CHRNA2: variants seen among roughly 807,000 people sequenced by gnomAD.
The protein encoded by CHRNA2 is neuronal acetylcholine receptor subunit alpha-2.
Under a neutral mutation model 45.5 loss-of-function variants are expected in CHRNA2, and 40 were observed. The ratio of observed to expected loss-of-function variants is 0.88; its 90% confidence interval spans 0.68 to 1.15. CHRNA2 has a LOEUF of 1.15. Ranked by LOEUF, CHRNA2 falls within the 50% of genes most tolerant of loss-of-function variation. The pLI is 0.00. For missense variants in CHRNA2, 655 were observed against 701.7 expected (o/e 0.93, Z 0.75); for synonymous variants, 301 against 296.7 (o/e 1.01, Z -0.15).
rs1384590779 is a variant in CHRNA2 at position 27,460,558 on chromosome 8, A to G, written c.*1071T>C. On this transcript the variant is annotated 3_prime_UTR_variant, in exon 7 of 7. Transcript: ENST00000407991. ...GGGTGGGAAAAATAACAGGCAGAGT[A>G]CCTGCCTTTGAGAAGTTCAGAATCA... 6.6e-6 allele frequency: 1 copy of G among 152,232 alleles called. No individual in the cohort carries two copies. 9.4% of individuals were successfully genotyped at this position (152,232 alleles called of 1,614,324 possible). A position where few individuals can be genotyped will look rare whatever the true frequency, so the allele number is the denominator to read the frequency against.
In CHRNA2 at chr8:27,463,222, G is replaced by T; in HGVS notation, c.1221C>A (p.Asn407Lys). Residue 407 changes from asparagine to lysine, a missense_variant, in exon 6 of 7, where the codon AAC (asparagine) becomes AAA (lysine). By Grantham distance (94) the Asn-to-Lys change is moderately conservative (BLOSUM62 0). Transcript: ENST00000407991. The surrounding 1 kb of genome is among the most constrained non-coding windows in gnomAD (Gnocchi z 6.1). ...LSPSYHWLES[N>K]VDAEEREVVV... is the part of the protein sequence containing the mutation. ...CCACCTCCCTCTCCTCGGCATCCAC[G>T]TTGCTCTCCAGCCAGTGATAAGAGG... 5.0e-6 allele frequency: 8 copies of T among 1,590,540 alleles called. No individual in the cohort carries two copies. The highest frequency in any genetic ancestry group is 6.9e-6 in the Non-Finnish European group (8 of 1,165,292).
Position 27,471,050 on chromosome 8 carries a change from G to A in CHRNA2, c.9C>T (p.Pro3=). 6.2e-7 allele frequency: 1 copy of A among 1,614,102 alleles called. No homozygotes were observed. Among genetic ancestry groups the A allele is most frequent in the Non-Finnish European group, 8.5e-7 (1 of 1,179,972 alleles). ...TGAAGGACAGGAACACAGGACAGGA[G>A]GGGCCCATGGCTTCTCCTGAGCATC... MG[P]SCPVFLSFTK... The change falls in exon 2 of 7, where the codon CCC becomes CCT. Residue 3 remains proline (P), a synonymous_variant. Transcript: ENST00000407991.
intron 3 of CHRNA2, 129 bp downstream of exon 3, chr8:27,469,632 C>T: frequency 8.2e-7 from 1 of 1,219,778 alleles, no homozygotes; most frequent in African/African-American, 1.5e-5. Context: ...TGGGAAGAGC[C>T]ATCCCCAACC....
At chr8:27,462,920 G>T in intron 6 of CHRNA2, 59 bp downstream of exon 6, 1 of 1,607,346 alleles carries the variant, frequency 6.2e-7, no homozygotes, top group South Asian at 1.1e-5. Context: ...GCGGTAAGGT[G>T]GTTCCCCGCT....
Position 27,461,593 on chromosome 8 carries a change from G to C in CHRNA2, c.*36C>G. On this transcript the variant is annotated 3_prime_UTR_variant, in exon 7 of 7. Coordinates refer to ENST00000407991, the MANE Select transcript of CHRNA2 (RefSeq NM_000742.4). The stretch of plus-strand genomic sequence containing the variant: ...CAGAGACGGTCAAAAGATGGTCAGC[G>C]GGGGTGCCCTGGGAGCCAGCTCGAG... 1 of 1,613,532 alleles carries C rather than the reference G, an allele frequency of 6.2e-7. No homozygotes were observed. Among genetic ancestry groups the C allele is most frequent in the African/African-American group, 1.3e-5 (1 of 75,060 alleles).
At chr8:27,469,552 G>A in intron 3 of CHRNA2, 173 bp from the exon 4 acceptor site, 1 of 873,078 alleles carries the variant, frequency 1.1e-6, no homozygotes, top group East Asian at 2.6e-5. Context: ...GGTCACACAG[G>A]CACTGCTGCC....
In CHRNA2 at chr8:27,469,924, G is replaced by A. The variant is rs778838030; in HGVS notation, c.131C>T (p.Pro44Leu). 2.5e-6 allele frequency: 4 copies of A among 1,614,164 alleles called. No homozygotes were observed. In the South Asian group the frequency reaches 4.4e-5, roughly 18 times the overall value. Reference protein sequence around the residue: ...PRAPGDPLSSPSPTALPQGGS... With the variant: ...PRAPGDPLSSLSPTALPQGGS... ...TCCCTGCGGCAATGCCGTGGGACTG[G>A]GAGAGGAGAGTGGGTCTCCAGGAGC... The change falls in exon 3 of 7, where the codon CCC (proline) becomes CTC (leucine). Residue 44 changes from proline to leucine, a missense_variant. By Grantham distance (98) the Pro-to-Leu change is moderately conservative. Around this residue, in one of 3 missense-constraint regions of CHRNA2, gnomAD observed 323 missense variants for 354.4 expected, o/e 0.91. Coordinates refer to ENST00000407991, the MANE Select transcript of CHRNA2 (RefSeq NM_000742.4).
At chr8:27,471,475 A>C (rs1013445413) in intron 1 of CHRNA2, among the ~76,000 whole-genome samples, 5 of 152,230 alleles carry the variant, frequency 3.3e-5, no homozygotes, top group African/African-American at 1.2e-4. Flanking sequence ...CTCAGTGGTC[A>C]TCTATAAAAT....
chr8:27,467,757 T>G (rs1037505329), intron 4 of CHRNA2, among the ~76,000 whole-genome samples: 4 of 152,034 alleles, frequency 2.6e-5, no homozygotes, highest in African/African-American at 9.7e-5. Context: ...GCAGAGCAGG[T>G]GAAAGTATCT....
intron 1 of CHRNA2, chr8:27,475,583 T>C (rs1813036639): frequency 6.6e-6 from 1 of 151,738 alleles, no homozygotes; most frequent in Admixed American, 6.6e-5. Context: ...GGGTACGGAG[T>C]TTCATTTGGG....
intron 4 of CHRNA2, among the ~76,000 whole-genome samples, chr8:27,468,924 A>G (rs1305892389): frequency 1.3e-5 from 2 of 152,214 alleles, no homozygotes; most frequent in Non-Finnish European, 2.9e-5. Context: ...CTCCCATAGA[A>G]GGAGCCTGGG....
Position 27,463,662 on chromosome 8 carries a change from T to C in CHRNA2, c.781A>G (p.Ile261Val). 6.2e-7 allele frequency: 1 copy of C among 1,613,994 alleles called. No homozygotes were observed. The highest frequency in any genetic ancestry group is 8.5e-7 in the Non-Finnish European group (1 of 1,179,988). ...IYPDVTYAFV[I>V]RRLPLFYTIN... ...GTGTAGAAGAGCGGCAGCCGCCGGA[T>C]GACGAAGGCGTAGGTGACGTCGGGG... is the stretch of plus-strand genomic sequence containing the variant. The change falls in exon 6 of 7, where the codon ATC becomes GTC. Residue 261 changes from isoleucine to valine, a missense_variant. Physicochemically the swap from Ile to Val is conservative, Grantham distance 29 (BLOSUM62 3). Coordinates refer to ENST00000407991, the MANE Select transcript of CHRNA2 (RefSeq NM_000742.4). This position sits in a 1 kb window ranked among gnomAD's most constrained non-coding sequence, Gnocchi z 6.1.
chr8:27,463,608 T>C lies in CHRNA2; in HGVS notation c.835A>G (p.Ile279Val), dbSNP rs1812595253. Residue 279 changes from isoleucine (I) to valine (V), a missense_variant, in exon 6 of 7, where the codon ATC (isoleucine) becomes GTC (valine). Ile to Val is a conservative substitution (Grantham distance 29). Transcript: ENST00000407991. This position sits in a 1 kb window ranked among gnomAD's most constrained non-coding sequence, Gnocchi z 6.1. ...TINLIIPCLL[I>V]SCLTVLVFYL... Reference sequence around the variant, plus strand: ...AAGACCAGCACAGTGAGGCAGGAGATGAGCAGGCAGGGGATGATGAGGTTG... The same window carrying C: ...AAGACCAGCACAGTGAGGCAGGAGACGAGCAGGCAGGGGATGATGAGGTTG... The C allele has an allele frequency of 6.2e-7, 1 of 1,613,926 alleles. No homozygotes were observed. The highest frequency in any genetic ancestry group is 1.3e-5 in the African/African-American group (1 of 74,866).
rs776152904 is a variant in CHRNA2 at position 27,463,825 on chromosome 8, A to G, written c.618T>C (p.Tyr206=). ...NCKMKFGSWT[Y]DKAKIDLEQM... is the part of the protein sequence containing the mutation. Reference sequence around the variant, plus strand: ...GCTCCAGGTCGATCTTGGCCTTGTCATAAGTCCAGGAGCCAAACTTCATCT... The same window carrying G: ...GCTCCAGGTCGATCTTGGCCTTGTCGTAAGTCCAGGAGCCAAACTTCATCT... Residue 206 remains tyrosine, a synonymous_variant, in exon 6 of 7, where the codon TAT becomes TAC. Transcript: ENST00000407991. This position sits in a 1 kb window ranked among gnomAD's most constrained non-coding sequence, Gnocchi z 6.1. 12 of 1,614,060 alleles carry G rather than the reference A, an allele frequency of 7.4e-6. No homozygotes were observed. The highest frequency in any genetic ancestry group is 2.2e-5 in the South Asian group (2 of 91,094).
chr8:27,476,723 TAA>T (rs1271390758), intron 1 of CHRNA2, among the ~76,000 whole-genome samples: 1 of 152,128 alleles, frequency 6.6e-6, no homozygotes, highest in Non-Finnish European at 1.5e-5. Flanking sequence ...CTAGTTAAAA[TAA>T]AAAAGAGTTG....
chr8:27,467,212 C>A lies in CHRNA2; in HGVS notation c.449+17G>T. 1.3e-6 allele frequency: 2 copies of A among 1,595,122 alleles called. No homozygotes were observed. Among genetic ancestry groups the A allele is most frequent in the South Asian group, 2.2e-5 (2 of 90,696 alleles). On this transcript the variant is annotated intron_variant, in intron 5 of 6. Coordinates refer to ENST00000407991, the MANE Select transcript of CHRNA2 (RefSeq NM_000742.4). ...TTGGCCTCCCCTCATCCCCCCAGGA[C>A]CCCAATGGCTTCCTACTTGTTGTAG... is the stretch of plus-strand genomic sequence containing the variant.
rs189738419 is a variant in CHRNA2, at chr8:27,461,901, C to A, written c.1465-147G>T. 4.7e-5 allele frequency: 52 copies of A among 1,110,694 alleles called. No individual in the cohort carries two copies. The Admixed American group carries it at 9.1e-4, about 20-fold the overall frequency. The allele number at this position is 1,110,694 out of a possible 1,614,324, so 68.8% of individuals were successfully genotyped here. ...GGGGAGCAAAGGTCAGCACAGGGAG[C>A]GGGGTGAGTGGAAGGGAGGGACGGG... On this transcript the variant is annotated intron_variant, in intron 6 of 6. Transcript: ENST00000407991.
intron 1 of CHRNA2, chr8:27,475,155 C>T (rs1156259822): frequency 6.6e-6 from 1 of 152,190 alleles, no homozygotes; most frequent in Admixed American, 6.5e-5. Context: ...AAGCAGGCAG[C>T]AATACCTGTG....
At chr8:27,475,183 T>C (rs1231815370) in intron 1 of CHRNA2, 1 of 152,166 alleles carries the variant, frequency 6.6e-6, no homozygotes, top group Non-Finnish European at 1.5e-5. Flanking sequence ...TTACAAGCCC[T>C]CCCCTCATCT....
Sources: allele counts gnomAD v4.1 joint callset (sites outside exome capture counted in the v4.1 genomes callset), GRCh38; gene constraint gnomAD v4.1.1; regional missense constraint gnomAD v4.1.1; non-coding constraint Gnocchi (gnomAD v3.1); transcripts MANE v1.5; gene names NCBI Gene and HGNC (gene_info 2026-07-23, HGNC 2026-07-21).